The following SYNRG variants were observed in gnomAD, a reference collection of about 807,000 sequenced individuals.
SYNRG encodes AP1 gamma subunit binding protein 1.
In SYNRG, 37 loss-of-function variants were observed where a neutral mutation model predicts 130.9. The ratio of observed to expected loss-of-function variants is 0.28; its 90% confidence interval spans 0.22 to 0.37. The LOEUF (loss-of-function observed/expected upper bound fraction) is 0.37, where lower values mean the gene tolerates loss of function less well. SYNRG is among the 10% of genes least tolerant of loss of function. The probability of loss-of-function intolerance (pLI) is 1.00; values close to 1 mark genes in which losing one functional copy is unlikely to be tolerated. For missense variants in SYNRG, 1,338 were observed against 1,588.9 expected (o/e 0.84, Z 2.68); for synonymous variants, 539 against 568.1 (o/e 0.95, Z 0.73).
chr17:37,523,247 A>C (rs1052508991), intron 19 of SYNRG, among the ~76,000 whole-genome samples: 1 of 151,746 alleles, frequency 6.6e-6, no homozygotes, highest in African/African-American at 2.4e-5. Flanking sequence ...CTGCAGCCTC[A>C]AACTCTTGGG....
chr17:37,582,329 G>A (rs948077750), intron 6 of SYNRG, among the ~76,000 whole-genome samples: 4 of 152,082 alleles, frequency 2.6e-5, no homozygotes, highest in Admixed American at 2.0e-4. Context: ...AAAAGAAAAA[G>A]CCCTCCCACA....
intron 1 of SYNRG, among the ~76,000 whole-genome samples, chr17:37,603,905 C>T (rs1387549489): frequency 1.3e-5 from 2 of 152,182 alleles, no homozygotes; most frequent in Non-Finnish European, 2.9e-5. Context: ...ACATTGACTT[C>T]TCCTCTCTAG....
chr17:37,569,286 T>C lies in SYNRG; in HGVS notation c.1348-362A>G, dbSNP rs1035946850. Among the ~76,000 whole-genome samples the C allele has an allele frequency of 2.0e-5, 3 of 148,988 alleles. No individual in the cohort carries two copies. The South Asian group carries it at 6.2e-4, about 31-fold the overall frequency. ...TTAGCTGCGCATGGTGGCATGTGCCTGTAGTCCCAGCTACGTGGGTGGCTG... is the reference window on the plus strand; with the variant it reads ...TTAGCTGCGCATGGTGGCATGTGCCCGTAGTCCCAGCTACGTGGGTGGCTG... On this transcript the variant is annotated intron_variant, in intron 10 of 21. Transcript: ENST00000612223.
intron 16 of SYNRG, among the ~76,000 whole-genome samples, 171 bp downstream of exon 16, chr17:37,540,209 C>T (rs745358619): frequency 3.9e-5 from 6 of 152,200 alleles, no homozygotes; most frequent in Non-Finnish European, 8.8e-5. Flanking sequence ...GAAATGTTTT[C>T]ACCCAGGGCT....
chr17:37,580,500 T>A (rs2061223040), intron 6 of SYNRG, among the ~76,000 whole-genome samples: 1 of 121,450 alleles, frequency 8.2e-6, no homozygotes, highest in South Asian at 2.5e-4. Flanking sequence ...TGTGTGTGTG[T>A]GTGTGTGTGT....
At chr17:37,553,037 C>T (rs139659273) in intron 14 of SYNRG, 78 bp downstream of exon 14, 4 of 1,336,806 alleles carry the variant, frequency 3.0e-6, no homozygotes, top group East Asian at 2.3e-5. Flanking sequence ...CAGAGCCTTA[C>T]TCATGTAAAT....
chr17:37,554,415 A>T (rs997710883), intron 13 of SYNRG, among the ~76,000 whole-genome samples: 10 of 152,156 alleles, frequency 6.6e-5, no homozygotes, highest in Admixed American at 5.2e-4. Context: ...TACAATAAGA[A>T]ATAGGGCTAG....
intron 21 of SYNRG, 98 bp downstream of exon 21, chr17:37,520,081 G>C (rs1018019318): frequency 6.8e-6 from 9 of 1,325,966 alleles, no homozygotes; most frequent in Non-Finnish European, 8.7e-6. Context: ...ATTCATGATT[G>C]GAACAGTTCA....
At chr17:37,600,072 C>G (rs530473676) in intron 2 of SYNRG, among the ~76,000 whole-genome samples, 1 of 152,258 alleles carries the variant, frequency 6.6e-6, no homozygotes, top group African/African-American at 2.4e-5. Context: ...ATCACCTGTT[C>G]TTTAACATTC....
intron 14 of SYNRG, among the ~76,000 whole-genome samples, chr17:37,548,566 C>T (rs8076375): frequency 6.6e-6 from 1 of 152,094 alleles, no homozygotes; most frequent in Non-Finnish European, 1.5e-5. Flanking sequence ...ACCTGTAATC[C>T]CACTACTTTG....
At chr17:37,561,121 TGAAA>T (rs1168752627) in intron 13 of SYNRG, 70 bp downstream of exon 13, 2 of 1,298,604 alleles carry the variant, frequency 1.5e-6, no homozygotes, top group Non-Finnish European at 2.2e-6. Context: ...GGAATGCCAC[TGAAA>T]GAACCATCGA....
At chr17:37,566,111 G>A (rs1334395778) in intron 11 of SYNRG, among the ~76,000 whole-genome samples, 1 of 152,242 alleles carries the variant, frequency 6.6e-6, no homozygotes, top group African/African-American at 2.4e-5. Flanking sequence ...CCTCTGCCCG[G>A]CCACCACCCT....
At chr17:37,604,857 C>T (rs1204901877) in intron 1 of SYNRG, among the ~76,000 whole-genome samples, 1 of 152,148 alleles carries the variant, frequency 6.6e-6, no homozygotes, top group Non-Finnish European at 1.5e-5. Flanking sequence ...AATATGGAGG[C>T]CCTTGGAGAG....
intron 11 of SYNRG, among the ~76,000 whole-genome samples, chr17:37,562,421 C>G: frequency 6.6e-6 from 1 of 150,438 alleles, no homozygotes; most frequent in Non-Finnish European, 1.5e-5. Flanking sequence ...CTTCTCTTAT[C>G]AGACCCAGGC....
chr17:37,557,570 A>C (rs1382020972), intron 13 of SYNRG, among the ~76,000 whole-genome samples: 5 of 152,238 alleles, frequency 3.3e-5, no homozygotes, highest in South Asian at 4.1e-4. Flanking sequence ...AACAATCTGG[A>C]ACTTTGTTTA....
chr17:37,568,512 T>A, intron 11 of SYNRG: 1 of 303,786 alleles, frequency 3.3e-6, no homozygotes, highest in Non-Finnish European at 6.1e-6. Flanking sequence ...AAGTCATCAC[T>A]GCACAGGTGA....
intron 19 of SYNRG, among the ~76,000 whole-genome samples, chr17:37,521,837 G>C (rs760373181): frequency 2.0e-5 from 3 of 152,110 alleles, no homozygotes; most frequent in Non-Finnish European, 2.9e-5. Context: ...GGATGGGAGA[G>C]GTTGGGGGAC....
chr17:37,562,646 G>A (rs2050718614), intron 11 of SYNRG, among the ~76,000 whole-genome samples: 1 of 152,188 alleles, frequency 6.6e-6, no homozygotes, highest in African/African-American at 2.4e-5. Flanking sequence ...GGGGTACACA[G>A]TCCTTTAGGG....
chr17:37,605,634 A>C (rs1478497684), intron 1 of SYNRG, among the ~76,000 whole-genome samples: 5 of 152,242 alleles, frequency 3.3e-5, no homozygotes. Context: ...TTTTTCTCTG[A>C]AATGTTTAGA....
Sources: gnomAD v4.1 joint callset for allele counts (sites outside exome capture counted in the v4.1 genomes callset) on GRCh38, gnomAD v4.1.1 for gene constraint, MANE v1.5 for transcripts, NCBI Gene and HGNC (gene_info 2026-07-23, HGNC 2026-07-21) for gene names.